Variants in ADAM32 observed in about 807,000 individuals in gnomAD.
The protein encoded by ADAM32 is ADAM metallopeptidase domain 32.
Under a neutral mutation model 114.9 loss-of-function variants are expected in ADAM32, and 89 were observed. That is an observed-to-expected ratio of 0.77 (90% CI 0.65 to 0.92). The LOEUF is 0.92. Ranked by LOEUF, ADAM32 falls within the 40% of genes least tolerant of loss-of-function variation. ADAM32 has a pLI of 0.00. For synonymous variants in ADAM32, 285 were observed against 307.5 expected (o/e 0.93, Z 0.77); for missense variants, 870 against 932.8 (o/e 0.93, Z 0.88).
intron 2 of ADAM32, among the ~76,000 whole-genome samples, chr8:39,133,704 G>A (rs1802602358): frequency 6.6e-6 from 1 of 152,216 alleles, no homozygotes; most frequent in East Asian, 1.9e-4. Context: ...GACTAGGCGG[G>A]CCATTTTCCA....
intron 1 of ADAM32, among the ~76,000 whole-genome samples, chr8:39,110,400 T>G (rs1324339225): frequency 1.3e-5 from 2 of 152,134 alleles, no homozygotes; most frequent in Non-Finnish European, 2.9e-5. Context: ...TGAATAATAT[T>G]CAATTGTCTG....
intron 7 of ADAM32, among the ~76,000 whole-genome samples, chr8:39,163,619 C>G (rs1804648745): frequency 6.6e-6 from 1 of 152,180 alleles, no homozygotes; most frequent in African/African-American, 2.4e-5. Flanking sequence ...GTTTACTTAA[C>G]AAATTCATTG....
chr8:39,223,844 A>G (rs1397435060), intron 14 of ADAM32: 1 of 151,932 alleles, frequency 6.6e-6, no homozygotes, highest in Non-Finnish European at 1.5e-5. Flanking sequence ...TACTCTCTGC[A>G]TTTTTGAGTT....
chr8:39,206,339 T>C (rs1807829683), intron 11 of ADAM32, among the ~76,000 whole-genome samples: 1 of 151,950 alleles, frequency 6.6e-6, no homozygotes, highest in Admixed American at 6.6e-5. Context: ...TGGTTTTGAG[T>C]GGATTGTTCT....
chr8:39,107,659 C>G, upstream of ADAM32: 3 of 1,514,676 alleles, frequency 2.0e-6, no homozygotes, highest in Admixed American at 2.1e-5. Context: ...CCGGGGCCTC[C>G]GGAGAACGCT....
At chr8:39,198,629 T>A (rs2129447715) in intron 11 of ADAM32, among the ~76,000 whole-genome samples, 1 of 152,328 alleles carries the variant, frequency 6.6e-6, no homozygotes, top group African/African-American at 2.4e-5. Context: ...CCACCCACCT[T>A]GGCCTTTCAA....
At chr8:39,153,641 A>G (rs964872083) in intron 6 of ADAM32, among the ~76,000 whole-genome samples, 1 of 151,814 alleles carries the variant, frequency 6.6e-6, no homozygotes, top group South Asian at 2.1e-4. Flanking sequence ...CAACTTACAC[A>G]CCAGATTTTC....
chr8:39,144,957 C>A (rs925020596), intron 3 of ADAM32, among the ~76,000 whole-genome samples: 1 of 151,966 alleles, frequency 6.6e-6, no homozygotes, highest in Non-Finnish European at 1.5e-5. Context: ...AACCAATAGA[C>A]AAGTTCAGTG....
intron 6 of ADAM32, among the ~76,000 whole-genome samples, chr8:39,154,756 A>G (rs940189533): frequency 2.0e-5 from 3 of 151,978 alleles, no homozygotes; most frequent in East Asian, 1.9e-4. Flanking sequence ...ATGGTATCTC[A>G]TTGTGGTTTT....
chr8:39,266,101 C>A lies in ADAM32; in HGVS notation c.2163-4775C>A, dbSNP rs566358527. On this transcript the variant is annotated intron_variant, in intron 19 of 24. Transcript: ENST00000379907. ...TCCCAAGCTGCCTTTAAGATTTATT[C>A]TTTCACATTGCCTTTGGAGAATCTG... is the stretch of plus-strand genomic sequence containing the variant. 1.7e-4 allele frequency among the ~76,000 whole-genome samples: 26 copies of A among 152,232 alleles called. 1 individual carries two copies. The highest frequency in any genetic ancestry group is 5.2e-4 in the Admixed American group (8 of 15,292).
At chr8:39,272,679 G>A (rs1812810107) in intron 20 of ADAM32, among the ~76,000 whole-genome samples, 1 of 152,200 alleles carries the variant, frequency 6.6e-6, no homozygotes. Context: ...CAGTGAGTGA[G>A]TGGTGAGTGA....
chr8:39,183,326 A>G (rs1806026648), intron 10 of ADAM32, among the ~76,000 whole-genome samples: 1 of 152,224 alleles, frequency 6.6e-6, no homozygotes, highest in Admixed American at 6.5e-5. Context: ...GTGATGAGAC[A>G]GGAGTGAGCC....
chr8:39,215,769 T>A (rs1194009554), intron 12 of ADAM32, among the ~76,000 whole-genome samples: 1 of 152,078 alleles, frequency 6.6e-6, no homozygotes, highest in Admixed American at 6.6e-5. Context: ...ATTATTTAAT[T>A]TTTTTGAATG....
At chr8:39,260,868 C>T (rs1811978102) in intron 19 of ADAM32, among the ~76,000 whole-genome samples, 1 of 151,730 alleles carries the variant, frequency 6.6e-6, no homozygotes. Context: ...CCAGTGAAAC[C>T]ATCTGGTTCT....
At chr8:39,211,900 T>C (rs1035896624) in intron 12 of ADAM32, among the ~76,000 whole-genome samples, 5 of 152,254 alleles carry the variant, frequency 3.3e-5, no homozygotes, top group Admixed American at 3.3e-4. Context: ...TAGGGTCTGT[T>C]ACATCCATAG....
At chr8:39,253,124 GGGATGCAAGGATGGTTCAAA>G (rs1811410927) in intron 17 of ADAM32, among the ~76,000 whole-genome samples, 1 of 151,580 alleles carries the variant, frequency 6.6e-6, no homozygotes, top group Non-Finnish European at 1.5e-5. Context: ...ATTTATTCCT[GGGATGCAAGGATGGTTCAAA>G]ATGCACAGAT....
intron 2 of ADAM32, among the ~76,000 whole-genome samples, chr8:39,131,757 T>C (rs1477411118): frequency 6.6e-6 from 1 of 152,226 alleles, no homozygotes; most frequent in Admixed American, 6.5e-5. Context: ...TCTTTAAGCC[T>C]ATATTGTCTG....
At chr8:39,216,083 G>C (rs192895697) in intron 12 of ADAM32, among the ~76,000 whole-genome samples, 1 of 152,144 alleles carries the variant, frequency 6.6e-6, no homozygotes, top group African/African-American at 2.4e-5. Context: ...GGGTGCTCCA[G>C]TGTTGGGTGC....
intron 19 of ADAM32, among the ~76,000 whole-genome samples, chr8:39,259,344 C>T (rs544803775): frequency 1.8e-4 from 27 of 152,052 alleles, no homozygotes; most frequent in Middle Eastern, 3.4e-3. Flanking sequence ...GTATTACAGG[C>T]GTGCACCACC....
Sources: allele counts gnomAD v4.1 joint callset (sites outside exome capture counted in the v4.1 genomes callset), GRCh38; gene constraint gnomAD v4.1.1; transcripts MANE v1.5; gene names NCBI Gene and HGNC (gene_info 2026-07-23, HGNC 2026-07-21).